TRMT44: variants seen among roughly 807,000 people sequenced by gnomAD.
TRMT44 encodes the protein probable tRNA (uracil-O(2)-)-methyltransferase.
A neutral mutation model predicts 77.3 loss-of-function variants in TRMT44; 78 were observed. The ratio of observed to expected loss-of-function variants is 1.01; its 90% CI spans 0.84 to 1.22. TRMT44 has a LOEUF of 1.22. Among genes scored for constraint, TRMT44 ranks in the 50% most tolerant of loss-of-function variants. TRMT44 has a pLI of 0.00. For synonymous variants in TRMT44, 391 were observed against 383.3 expected (o/e 1.02, Z -0.23); for missense variants, 1,090 against 964.4 (o/e 1.13, Z -1.73).
intron 6 of TRMT44, among the ~76,000 whole-genome samples, chr4:8,462,636 C>T (rs965218890): frequency 3.3e-5 from 5 of 152,130 alleles, no homozygotes; most frequent in South Asian, 2.1e-4. Flanking sequence ...ACCTGGGAAG[C>T]GGAGGTTGCA....
the TRMT44 span, chr4:8,511,894 A>T: frequency 2.6e-5 from 4 of 152,230 alleles, no homozygotes; most frequent in African/African-American, 7.2e-5. Context: ...TTGAGATGAG[A>T]GACTTCAAAG....
intron 1 of TRMT44, 81 bp downstream of exon 1, chr4:8,441,522 G>A: frequency 2.1e-6 from 3 of 1,413,734 alleles, no homozygotes; most frequent in Non-Finnish European, 2.8e-6. Context: ...AAAGTCCTAA[G>A]GGTACTAGTT....
At chr4:8,501,702 C>A in the TRMT44 span, among the ~76,000 whole-genome samples, 2 of 152,252 alleles carry the variant, frequency 1.3e-5, no homozygotes, top group South Asian at 4.1e-4. The surrounding 1 kb of genome is among the most constrained non-coding windows in gnomAD (Gnocchi z 4.4). Flanking sequence ...TTCCTTTCCC[C>A]TTCTTCCCTT....
At chr4:8,454,173 G>C (rs953299821) in intron 5 of TRMT44, among the ~76,000 whole-genome samples, 1 of 152,208 alleles carries the variant, frequency 6.6e-6, no homozygotes, top group Non-Finnish European at 1.5e-5. Context: ...ATTGGCTCAC[G>C]TTCTCAGGTG....
At chr4:8,497,103 G>C (rs1728169701), downstream of TRMT44, among the ~76,000 whole-genome samples, 1 of 150,958 alleles carries the variant, frequency 6.6e-6, no homozygotes, top group African/African-American at 2.4e-5. Context: ...TGTCTGAAAA[G>C]CCAAGGCTAA....
intron 9 of TRMT44, 24 bp from the exon 10 acceptor site, chr4:8,471,058 GAA>G (rs752333810): frequency 7.5e-7 from 1 of 1,333,770 alleles, no homozygotes; most frequent in Non-Finnish European, 1.0e-6. Context: ...TTGTTTTGGG[GAA>G]AAAAAAAACC....
At chr4:8,453,349 G>A (rs1222677990) in intron 5 of TRMT44, 1 of 158,178 alleles carries the variant, frequency 6.3e-6, no homozygotes, top group Non-Finnish European at 1.4e-5. Context: ...CACTTGAGAA[G>A]CTTCAGGCCA....
chr4:8,483,599 T>A (rs1727703450), intron 2 of TRMT44, among the ~76,000 whole-genome samples: 2 of 152,160 alleles, frequency 1.3e-5, no homozygotes, highest in Non-Finnish European at 2.9e-5. Context: ...GTGGCTGGGC[T>A]TGGTGAGGTG....
Position 8,452,114 on chromosome 4 carries a change from A to G in TRMT44, c.1023+86A>G. 1 of 1,211,624 alleles carries G rather than the reference A, an allele frequency of 8.3e-7. No homozygotes were observed. The highest frequency in any genetic ancestry group is 1.2e-6 in the Non-Finnish European group (1 of 853,342). The allele number at this position is 1,211,624 out of a possible 1,614,324, so 75.1% of individuals were successfully genotyped here. ...TCCCTGTAGTGAAGGACATTTTCCA[A>G]ATCCATAACTGCCGGTGCTCACAAT... On this transcript the variant is annotated intron_variant, in intron 4 of 10. Transcript: ENST00000389737. This position sits in a 1 kb window ranked among gnomAD's most constrained non-coding sequence, Gnocchi z 5.7.
rs775550797 is a variant in TRMT44 at position 8,468,267 on chromosome 4, A to G, written c.1848A>G (p.Val616=). Residue 616 remains valine, a synonymous_variant, in exon 9 of 11, where the codon GTA becomes GTG. Transcript: ENST00000389737. The part of the protein sequence containing the change: ...RDFIDQVVLQ[V]ANLLLGGKQL... ...TTATTGACCAAGTGGTTTTGCAAGT[A>G]GCGAATTTACTGTTAGGTGGAAAGC... The G allele has an allele frequency of 1.2e-6, 2 of 1,614,132 alleles. No individual in the cohort carries two copies. Among genetic ancestry groups the G allele is most frequent in the African/African-American group, 1.3e-5 (1 of 74,958 alleles).
rs1725482413 is a variant in TRMT44, at chr4:8,451,988, A to G, written c.983A>G (p.Lys328Arg). ...KVWPEVTDPE[K>R]FVYEDVAIAA... Reference sequence around the variant, plus strand: ...TGGCCTGAAGTCACTGATCCTGAGAAGTTCGTGTATGAAGATGTGGCTATC... The same window carrying G: ...TGGCCTGAAGTCACTGATCCTGAGAGGTTCGTGTATGAAGATGTGGCTATC... The change falls in exon 4 of 11, where the codon AAG becomes AGG. Residue 328 changes from lysine to arginine, a missense_variant. Coordinates refer to ENST00000389737, the MANE Select transcript of TRMT44 (RefSeq NM_152544.3). This position sits in a 1 kb window ranked among gnomAD's most constrained non-coding sequence, Gnocchi z 4.1. The G allele has an allele frequency of 3.9e-6, 6 of 1,536,674 alleles. No individual in the cohort carries two copies. In the East Asian group the frequency reaches 1.5e-4, roughly 38 times the overall value.
chr4:8,475,679 C>T (rs1475570999), intron 10 of TRMT44, 93 bp from the exon 11 acceptor site: 4 of 1,188,006 alleles, frequency 3.4e-6, no homozygotes, highest in Non-Finnish European at 4.9e-6. Flanking sequence ...CCTGGATTGG[C>T]ACCTCCCGTG....
intron 7 of TRMT44, among the ~76,000 whole-genome samples, chr4:8,464,588 C>T (rs926374021): frequency 6.6e-6 from 1 of 152,162 alleles, no homozygotes; most frequent in African/African-American, 2.4e-5. Flanking sequence ...TGCTGAGTCT[C>T]CTTATCTCAG....
chr4:8,485,879 T>C (rs2109223230), intron 2 of TRMT44, among the ~76,000 whole-genome samples: 1 of 152,224 alleles, frequency 6.6e-6, no homozygotes, highest in Non-Finnish European at 1.5e-5. Context: ...CAACAGTTAT[T>C]GGGGCGAGGG....
downstream of TRMT44, among the ~76,000 whole-genome samples, chr4:8,493,745 G>C (rs956804554): frequency 6.6e-6 from 1 of 151,932 alleles, no homozygotes; most frequent in Non-Finnish European, 1.5e-5. Context: ...TCCATTGGTC[G>C]CCTTGCTTTC....
downstream of TRMT44, among the ~76,000 whole-genome samples, chr4:8,497,357 T>TGCTCTGG (rs1167244892): frequency 2.0e-5 from 3 of 152,230 alleles, no homozygotes; most frequent in Non-Finnish European, 4.4e-5. Context: ...ATAAAAACCC[T>TGCTCTGG]GCTCTGGGCC....
At chr4:8,463,092 TAGAA>T (rs1211234916) in intron 6 of TRMT44, among the ~76,000 whole-genome samples, 4 of 152,268 alleles carry the variant, frequency 2.6e-5, no homozygotes, top group Admixed American at 2.0e-4. Context: ...GTTTTGCTGT[TAGAA>T]AGAATAGCCT....
downstream of TRMT44, among the ~76,000 whole-genome samples, chr4:8,480,830 T>G (rs554460454): frequency 4.7e-4 from 71 of 152,324 alleles, no homozygotes; most frequent in Middle Eastern, 3.4e-3. Context: ...TATTATGACT[T>G]ACTTTCCAAC....
At chr4:8,445,251 C>G (rs1724987325) in intron 1 of TRMT44, among the ~76,000 whole-genome samples, 1 of 152,218 alleles carries the variant, frequency 6.6e-6, no homozygotes, top group Non-Finnish European at 1.5e-5. Flanking sequence ...CTTGGCCTTC[C>G]AAAGTGCTGG....
Sources: allele counts gnomAD v4.1 joint callset (sites outside exome capture counted in the v4.1 genomes callset), GRCh38; gene constraint gnomAD v4.1.1; non-coding constraint Gnocchi (gnomAD v3.1); transcripts MANE v1.5; gene names NCBI Gene and HGNC (gene_info 2026-07-23, HGNC 2026-07-21).